The following RAB14 variants were observed in gnomAD, a reference collection of about 807,000 sequenced individuals.
The protein encoded by RAB14 is RAB14, member RAS oncogene family, also known as ras-related protein Rab-14.
In RAB14, 3 loss-of-function variants were observed where a neutral mutation model predicts 31.1. The ratio of observed to expected loss-of-function variants is 0.10; its 90% confidence interval spans 0.04 to 0.25. The LOEUF is 0.25. Among genes scored for constraint, RAB14 ranks in the 10% least tolerant of loss-of-function variants. The pLI, the probability that RAB14 is intolerant of heterozygous loss-of-function variation, is 1.00. For synonymous variants in RAB14, 85 were observed against 84.9 expected, an observed-to-expected ratio of 1.00 and a Z score of 0.00; for missense variants, 111 against 260.1, an observed-to-expected ratio of 0.43 and a Z score of 3.94.
chr9:121,194,783 C>A (rs563441724), intron 1 of RAB14, among the ~76,000 whole-genome samples: 7 of 152,132 alleles, frequency 4.6e-5, no homozygotes, highest in African/African-American at 1.4e-4. Context: ...CAACATTGAA[C>A]CCGTAGAAAG....
intron 1 of RAB14, among the ~76,000 whole-genome samples, chr9:121,201,309 C>A (rs2053774850): frequency 6.6e-6 from 1 of 152,088 alleles, no homozygotes; most frequent in African/African-American, 2.4e-5. Flanking sequence ...GCGGGAGATG[C>A]GGTCCTGCCC....
chr9:121,183,545 G>T, intron 5 of RAB14, 147 bp from the exon 6 acceptor site: 1 of 625,474 alleles, frequency 1.6e-6, no homozygotes. Flanking sequence ...ACTAGACAGG[G>T]CTACAGATTC....
chr9:121,182,349 T>G (rs1220845170), intron 7 of RAB14, among the ~76,000 whole-genome samples: 1 of 152,210 alleles, frequency 6.6e-6, no homozygotes, highest in Non-Finnish European at 1.5e-5. Context: ...CGTTAACACC[T>G]CCATTCAGTT....
At chr9:121,196,163 A>C (rs1054066592) in intron 1 of RAB14, among the ~76,000 whole-genome samples, 11 of 152,072 alleles carry the variant, frequency 7.2e-5, no homozygotes, top group Non-Finnish European at 1.6e-4. Flanking sequence ...AGCCCACTTA[A>C]CATTACAATC....
intron 4 of RAB14, among the ~76,000 whole-genome samples, chr9:121,188,923 C>A (rs1170430955): frequency 6.6e-6 from 1 of 151,992 alleles, no homozygotes; most frequent in African/African-American, 2.4e-5. Flanking sequence ...ATTTTCATCA[C>A]CCCAGAGAGA....
chr9:121,187,672 C>T (rs892575027), intron 4 of RAB14, among the ~76,000 whole-genome samples: 1 of 151,884 alleles, frequency 6.6e-6, no homozygotes, highest in Non-Finnish European at 1.5e-5. Flanking sequence ...TTCTAACTGC[C>T]CAAGCAAGAG....
intron 1 of RAB14, among the ~76,000 whole-genome samples, chr9:121,196,941 T>C (rs2132029472): frequency 6.6e-6 from 1 of 152,304 alleles, no homozygotes; most frequent in South Asian, 2.1e-4. Context: ...TATCATTATG[T>C]CCATGCAAAA....
chr9:121,186,199 A>G (rs2053658243), intron 5 of RAB14, among the ~76,000 whole-genome samples: 1 of 152,132 alleles, frequency 6.6e-6, no homozygotes, highest in Non-Finnish European at 1.5e-5. Context: ...CTCAAGGACC[A>G]GCTCAAACAC....
intron 3 of RAB14, among the ~76,000 whole-genome samples, chr9:121,191,633 G>C (rs1178472533): frequency 6.6e-6 from 1 of 152,134 alleles, no homozygotes; most frequent in Non-Finnish European, 1.5e-5. Context: ...CAAGGACACA[G>C]ACTTCTGGGC....
chr9:121,183,048 C>T, intron 6 of RAB14, 88 bp from the exon 7 acceptor site: 1 of 1,265,968 alleles, frequency 7.9e-7, no homozygotes, highest in Non-Finnish European at 1.1e-6. Flanking sequence ...AGTTTCCCAT[C>T]AGTTTTTAGT....
intron 5 of RAB14, among the ~76,000 whole-genome samples, chr9:121,184,326 T>C (rs932366483): frequency 6.6e-6 from 1 of 152,066 alleles, no homozygotes; most frequent in Non-Finnish European, 1.5e-5. Context: ...GAACCATTCA[T>C]ACAAGTGAAG....
rs767022143 is a variant in RAB14, at chr9:121,182,914, T to C, written c.470+16A>G. On this transcript the variant is annotated intron_variant, in intron 7 of 7. Transcript: ENST00000373840. ...CTTGAATATAATTGAAATATCTGTATTTTGGTCACACTTACGTTTTTGCAC... is the reference window on the plus strand; with the variant it reads ...CTTGAATATAATTGAAATATCTGTACTTTGGTCACACTTACGTTTTTGCAC... 5.6e-6 allele frequency: 9 copies of C among 1,600,206 alleles called. No homozygotes were observed. The Admixed American group carries it at 8.4e-5, about 15-fold the overall frequency.
At chr9:121,201,168 G>C (rs571958130) in intron 1 of RAB14, among the ~76,000 whole-genome samples, 1 of 152,298 alleles carries the variant, frequency 6.6e-6, no homozygotes, top group African/African-American at 2.4e-5. Context: ...TTTGTACTCA[G>C]AGCCAGACGC....
intron 5 of RAB14, among the ~76,000 whole-genome samples, chr9:121,184,484 C>T (rs1301186814): frequency 6.6e-6 from 1 of 152,094 alleles, no homozygotes; most frequent in East Asian, 1.9e-4. Context: ...TATTTGACAC[C>T]AACTGGTAAA....
chr9:121,196,488 A>G (rs138902704), intron 1 of RAB14, among the ~76,000 whole-genome samples: 69 of 152,280 alleles, frequency 4.5e-4, no homozygotes, highest in Non-Finnish European at 8.8e-4. Context: ...CTACTATCCT[A>G]TAACATAGTT....
At chr9:121,187,915 A>G (rs1015392893) in intron 4 of RAB14, among the ~76,000 whole-genome samples, 13 of 152,068 alleles carry the variant, frequency 8.5e-5, no homozygotes, top group Non-Finnish European at 1.5e-4. Flanking sequence ...TGTCAAAATC[A>G]GGCCTAGAAC....
intron 5 of RAB14, among the ~76,000 whole-genome samples, chr9:121,184,129 A>T (rs2053647659): frequency 6.6e-6 from 1 of 152,192 alleles, no homozygotes; most frequent in South Asian, 2.1e-4. Flanking sequence ...CCAAACTGAG[A>T]TCTTGAGACA....
rs1305758543 is a variant in RAB14, at chr9:121,180,091, A to G, written c.*1305T>C. On this transcript the variant is annotated 3_prime_UTR_variant, in exon 8 of 8. Coordinates refer to ENST00000373840, the MANE Select transcript of RAB14 (RefSeq NM_016322.4). ...TTTGTATCAGCACAAGCGCTGAAAC[A>G]CCTTTAGAAACACTTTCCCTTTTAC... 6.6e-6 allele frequency: 1 copy of G among 152,646 alleles called. No homozygotes were observed. Among genetic ancestry groups the G allele is most frequent in the Admixed American group, 6.5e-5 (1 of 15,284 alleles). The allele number at this position is 152,646 out of a possible 1,614,324, so 9.5% of individuals were successfully genotyped here. A position where few individuals can be genotyped will look rare whatever the true frequency, so the allele number is the denominator to read the frequency against.
rs2132020439 is a variant in RAB14, at chr9:121,180,804, A to C, written c.*592T>G. 6.5e-6 allele frequency: 1 copy of C among 152,790 alleles called. No homozygotes were observed. The highest frequency in any genetic ancestry group is 3.4e-3 in the Middle Eastern group (1 of 294). 9.5% of individuals were successfully genotyped at this position (152,790 alleles called of 1,614,324 possible). A position where few individuals can be genotyped will look rare whatever the true frequency, so the allele number is the denominator to read the frequency against. On this transcript the variant is annotated 3_prime_UTR_variant, in exon 8 of 8. Transcript: ENST00000373840. Reference sequence around the variant, plus strand: ...GGTATAAAAAAAGATAAAGCTATTAATTAAGCACGAGAGAGAAGATAAATG... The same window carrying C: ...GGTATAAAAAAAGATAAAGCTATTACTTAAGCACGAGAGAGAAGATAAATG...
Sources: allele counts gnomAD v4.1 joint callset (sites outside exome capture counted in the v4.1 genomes callset), GRCh38; gene constraint gnomAD v4.1.1; transcripts MANE v1.5; gene names NCBI Gene and HGNC (gene_info 2026-07-23, HGNC 2026-07-21).